PRX: variants seen among roughly 807,000 people sequenced by gnomAD.
PRX encodes periaxin.
In PRX, 24 loss-of-function variants were observed where a neutral mutation model predicts 29.6. The ratio of observed to expected loss-of-function variants is 0.81; its 90% CI spans 0.59 to 1.14. The LOEUF (loss-of-function observed/expected upper bound fraction) is 1.14. Among genes scored for constraint, PRX ranks in the 50% most tolerant of loss-of-function variants. The pLI is 0.00. For missense variants in PRX, 1,838 were observed against 1,926.4 expected (o/e 0.95, Z 0.86); for synonymous variants, 772 against 831.7 (o/e 0.93, Z 1.24).
Position 40,397,673 on chromosome 19 carries a change from C to T in PRX, c.679G>A (p.Ala227Thr). 1.3e-6 allele frequency: 2 copies of T among 1,555,240 alleles called. No homozygotes were observed. The highest frequency in any genetic ancestry group is 1.3e-5 in the African/African-American group (1 of 74,186). ...AKVEAEVAAGARFTAPQVELV... is the reference protein window; with the variant it reads ...AKVEAEVAAGTRFTAPQVELV... ...TCCACCTGAGGGGCTGTGAAACGAG[C>T]TCCTGCAGCCACCTCAGCCTCCACC... The change falls in exon 7 of 7, where the codon GCT (alanine) becomes ACT (threonine). Residue 227 changes from alanine (A) to threonine (T), a missense_variant. This residue lies in a region of PRX where 666 missense variants were observed against 665.0 expected (regional missense o/e 1.00). Transcript: ENST00000324001.
At chr19:40,407,494 T>G in intron 4 of PRX, 2 of 253,720 alleles carry the variant, frequency 7.9e-6, no homozygotes, top group East Asian at 9.9e-5. Context: ...AGAGACAGGG[T>G]CTTCCTATGT....
rs2079424473 is a variant in PRX at position 40,395,475 on chromosome 19, T to C, written c.2877A>G (p.Val959=). The change falls in exon 7 of 7, where the codon GTA becomes GTG. Residue 959 remains valine, a synonymous_variant. Coordinates refer to ENST00000324001, the MANE Select transcript of PRX (RefSeq NM_181882.3). ...TGGGGAGTGAGATGGCAAATTTGGA[T>C]ACCTTCAGCTTGGTAGCTCGCCCAG... ...EGAGRATKLK[V]SKFAISLPKA... 6.2e-7 allele frequency: 1 copy of C among 1,613,824 alleles called. No homozygotes were observed. Among genetic ancestry groups the C allele is most frequent in the Non-Finnish European group, 8.5e-7 (1 of 1,179,980 alleles).
chr19:40,403,791 G>A lies in PRX; in HGVS notation c.99C>T (p.Asn33=). 1 of 1,607,774 alleles carries A rather than the reference G, an allele frequency of 6.2e-7. No individual in the cohort carries two copies. The highest frequency in any genetic ancestry group is 8.5e-7 in the Non-Finnish European group (1 of 1,178,070). Residue 33 remains asparagine (N), a synonymous_variant, in exon 5 of 7, where the codon AAC becomes AAT. Coordinates refer to ENST00000324001, the MANE Select transcript of PRX (RefSeq NM_181882.3). ...TTCCCTCTTTGCCGCCGCCCGCTAC[G>A]TTGATGCCGCTGACCCCGGTCTGCG... ...TEAQTGVSGI[N]VAGGGKEGIF...
rs142829055 is a variant in PRX at position 40,406,639 on chromosome 19, C to T, written c.27+1267G>A. ...GCTCTGTGCCTGGTATACAGTAAGA[C>T]ATGGTCAATGCCAATCCACCATCTC... On this transcript the variant is annotated intron_variant, in intron 4 of 6. Coordinates refer to ENST00000324001, the MANE Select transcript of PRX (RefSeq NM_181882.3). Among the ~76,000 whole-genome samples the T allele has an allele frequency of 1.8e-4, 27 of 152,238 alleles. No homozygotes were observed. In the East Asian group the frequency reaches 5.2e-3, roughly 29 times the overall value.
At position 40,397,215 on chromosome 19, in the gene PRX, C is replaced by T. The variant is rs767620360; in HGVS notation, c.1137G>A (p.Lys379=). Residue 379 remains lysine, a synonymous_variant, in exon 7 of 7, where the codon AAG becomes AAA. Transcript: ENST00000324001. ...AKEVAEAKVA[K]VSPEARVKGP... ...CTTTCACCCTGGCCTCAGGGCTGAC[C>T]TTGGCTACCTTGGCCTCAGCAACTT... 1.9e-6 allele frequency: 3 copies of T among 1,613,818 alleles called. No individual in the cohort carries two copies. The highest frequency in any genetic ancestry group is 2.5e-6 in the Non-Finnish European group (3 of 1,180,032).
At chr19:40,399,910 TTTCTTTCTTTCTTTCA>T (rs1568712046) in intron 5 of PRX, among the ~76,000 whole-genome samples, 12 of 109,382 alleles carry the variant, frequency 1.1e-4, no homozygotes, top group African/African-American at 5.2e-4. Flanking sequence ...TTTCTTTTTC[TTTCTTTCTTTCTTTCA>T]CCCAGCTTTC....
At position 40,398,250 on chromosome 19, in the gene PRX, G is replaced by A; in HGVS notation, c.382-280C>T. On this transcript the variant is annotated intron_variant, in intron 6 of 6. Coordinates refer to ENST00000324001, the MANE Select transcript of PRX (RefSeq NM_181882.3). The surrounding 1 kb of genome is among the most constrained non-coding windows in gnomAD (Gnocchi z 6.3). ...TTTTCCCCAACATCCTCATTCTAGA[G>A]ATGGGGAAACTGAGGCCCAGGGAGA... is the stretch of plus-strand genomic sequence containing the variant. 1 of 1,415,350 alleles carries A rather than the reference G, an allele frequency of 7.1e-7. No homozygotes were observed. The highest frequency in any genetic ancestry group is 9.2e-7 in the Non-Finnish European group (1 of 1,089,580). The allele number at this position is 1,415,350 out of a possible 1,614,324, so 87.7% of individuals were successfully genotyped here. A position where few individuals can be genotyped will look rare whatever the true frequency, so the allele number is the denominator to read the frequency against.
Position 40,394,211 on chromosome 19 carries a change from C to T in PRX, c.4141G>A (p.Val1381Ile). 6.3e-7 allele frequency: 1 copy of T among 1,598,606 alleles called. No individual in the cohort carries two copies. The highest frequency in any genetic ancestry group is 8.5e-7 in the Non-Finnish European group (1 of 1,169,738). The change falls in exon 7 of 7, where the codon GTA becomes ATA. Residue 1381 changes from valine to isoleucine, a missense_variant. Physicochemically the swap from Val to Ile is conservative, Grantham distance 29 (BLOSUM62 3). Transcript: ENST00000324001. The surrounding 1 kb of genome is among the most constrained non-coding windows in gnomAD (Gnocchi z 5.8). ...RGRVRVRLPR[V>I]GLAAPSKASR... ...GCTTTAGAAGGGGCCGCCAGGCCTA[C>T]ACGTGGCAAGCGGACCCGGACCCGG...
Position 40,398,676 on chromosome 19 carries a change from G to A in PRX, c.325C>T (p.Pro109Ser). 1 of 1,613,980 alleles carries A rather than the reference G, an allele frequency of 6.2e-7. No homozygotes were observed. The highest frequency in any genetic ancestry group is 8.5e-7 in the Non-Finnish European group (1 of 1,179,942). Reference protein sequence around the residue: ...TVPTGDLALRPGTVSGYEIKG... With the variant: ...TVPTGDLALRSGTVSGYEIKG... ...ATCTCGTAGCCAGACACGGTCCCGG[G>A]CCGCAGAGCCAGGTCCCCGGTGGGC... The change falls in exon 6 of 7, where the codon CCC becomes TCC. Residue 109 changes from proline to serine, a missense_variant. By Grantham distance (74) the Pro-to-Ser change is moderately conservative. Around this residue, in one of 3 missense-constraint regions of PRX, gnomAD observed 666 missense variants for 665.0 expected, o/e 1.00. Transcript: ENST00000324001. This position sits in a 1 kb window ranked among gnomAD's most constrained non-coding sequence, Gnocchi z 6.3.
upstream of PRX, among the ~76,000 whole-genome samples, chr19:40,414,789 T>C (rs572378076): frequency 3.9e-5 from 6 of 152,262 alleles, no homozygotes; most frequent in East Asian, 1.2e-3. Flanking sequence ...CGTCGCTCTC[T>C]GAACCCAGGC....
Position 40,394,336 on chromosome 19 carries a change from C to G in PRX, c.4016G>C (p.Ser1339Thr), listed in dbSNP as rs1185782915. The change falls in exon 7 of 7, where the codon AGC becomes ACC. Residue 1339 changes from serine (S) to threonine (T), a missense_variant. Physicochemically the swap from Ser to Thr is moderately conservative, Grantham distance 58 (BLOSUM62 1). This residue lies in a region of PRX where 1,143 missense variants were observed against 1,193.0 expected (regional missense o/e 0.96). Transcript: ENST00000324001. This position sits in a 1 kb window ranked among gnomAD's most constrained non-coding sequence, Gnocchi z 5.8. ...PKLRLPRVGF[S>T]QSEMVTGEGS... ...TTCCCCAGTGACCATCTCACTTTGG[C>G]TGAAGCCCACTCGGGGCAGCCTGAG... The G allele has an allele frequency of 3.1e-6, 5 of 1,607,630 alleles. No individual in the cohort carries two copies. In the East Asian group the frequency reaches 1.1e-4, roughly 36 times the overall value.
intron 4 of PRX, among the ~76,000 whole-genome samples, chr19:40,406,237 G>T (rs369525252): frequency 2.9e-5 from 4 of 138,418 alleles, no homozygotes; most frequent in African/African-American, 8.4e-5. Context: ...ACAAGACCAA[G>T]AATCCGTCTC....
In PRX at chr19:40,396,035, C is replaced by G. The variant is rs1934293021; in HGVS notation, c.2317G>C (p.Glu773Gln). 1.2e-6 allele frequency: 2 copies of G among 1,614,044 alleles called. No homozygotes were observed. The highest frequency in any genetic ancestry group is 2.7e-5 in the African/African-American group (2 of 74,940). The change falls in exon 7 of 7, where the codon GAG becomes CAG. Residue 773 changes from glutamate (E) to glutamine (Q), a missense_variant. By Grantham distance (29) the Glu-to-Gln change is conservative (BLOSUM62 2). Transcript: ENST00000324001. ...TCCGGAGCCCTGGGCAGCTTCACCTCTGGTGCCTTCGGAAGATGCACGTCG... is the reference window on the plus strand; with the variant it reads ...TCCGGAGCCCTGGGCAGCTTCACCTGTGGTGCCTTCGGAAGATGCACGTCG... ...VPDVHLPKAP[E>Q]VKLPRAPEVQ...
At position 40,405,958 on chromosome 19, in the gene PRX, G is replaced by A. The variant is rs895778217; in HGVS notation, c.27+1948C>T. Among the ~76,000 whole-genome samples the A allele has an allele frequency of 9.3e-5, 14 of 150,550 alleles. 1 individual carries two copies. Among genetic ancestry groups the A allele is most frequent in the South Asian group, 8.4e-4 (4 of 4,758 alleles). On this transcript the variant is annotated intron_variant, in intron 4 of 6. Coordinates refer to ENST00000324001, the MANE Select transcript of PRX (RefSeq NM_181882.3). ...GGCCTCTTTTTTTTTTTTAAGAGTC[G>A]GAGTCAGGCCAGGCGCGGTAGCTCA... is the stretch of plus-strand genomic sequence containing the variant.
At chr19:40,399,461 G>T (rs1269430848) in intron 5 of PRX, among the ~76,000 whole-genome samples, 1 of 152,168 alleles carries the variant, frequency 6.6e-6, no homozygotes, top group African/African-American at 2.4e-5. Context: ...CAGTTCTCCA[G>T]TCACACCTCT....
rs944160754 is a variant in PRX at position 40,397,777 on chromosome 19, C to T, written c.575G>A (p.Arg192Gln). ...TTCGGCCACTTCTCGTACACGCAGC[C>T]GAGGCAGCTGGAGGCGCCGGCGGGC... ...APARRRLQLP[R>Q]LRVREVAEEA... Residue 192 changes from arginine (R) to glutamine (Q), a missense_variant, in exon 7 of 7, where the codon CGG (arginine) becomes CAG (glutamine). Coordinates refer to ENST00000324001, the MANE Select transcript of PRX (RefSeq NM_181882.3). The T allele has an allele frequency of 8.3e-6, 13 of 1,570,214 alleles. No individual in the cohort carries two copies. The highest frequency in any genetic ancestry group is 3.8e-5 in the Admixed American group (2 of 52,254).
intron 5 of PRX, among the ~76,000 whole-genome samples, chr19:40,401,961 C>G (rs991299880): frequency 9.2e-5 from 14 of 152,060 alleles, no homozygotes; most frequent in Non-Finnish European, 1.9e-4. Context: ...GCCATATTGG[C>G]CAGGCTGGCC....
Position 40,400,209 on chromosome 19 carries a change from C to T in PRX, c.185-1393G>A, listed in dbSNP as rs139224539. ...GTTGGTCAGGCTGGTCTCGAACTCC[C>T]GACGTCAGGTGATCTGCCCGCCTTG... is the stretch of plus-strand genomic sequence containing the variant. On this transcript the variant is annotated intron_variant, in intron 5 of 6. Transcript: ENST00000324001. Among the ~76,000 whole-genome samples the T allele has an allele frequency of 3.6e-3, 531 of 147,450 alleles. 8 individuals carry two copies. The highest frequency in any genetic ancestry group is 0.035 in the East Asian group (166 of 4,760).
At chr19:40,401,135 A>G (rs1420029198) in intron 5 of PRX, among the ~76,000 whole-genome samples, 4 of 152,150 alleles carry the variant, frequency 2.6e-5, no homozygotes, top group Non-Finnish European at 5.9e-5. Context: ...TCCAGTCCTC[A>G]AAGCTCCTCC....
Sources: gnomAD v4.1 joint callset for allele counts (sites outside exome capture counted in the v4.1 genomes callset) on GRCh38, gnomAD v4.1.1 for gene constraint, gnomAD v4.1.1 regional missense constraint, Gnocchi (gnomAD v3.1) non-coding constraint, MANE v1.5 for transcripts, NCBI Gene and HGNC (gene_info 2026-07-23, HGNC 2026-07-21) for gene names.